The following MYOCD variants were observed in gnomAD, a reference collection of about 807,000 sequenced individuals.
MYOCD encodes myocardin.
In MYOCD, 32 loss-of-function variants were observed where a neutral mutation model predicts 96.1. That is an observed-to-expected ratio of 0.33 (90% CI 0.25 to 0.45). The LOEUF is 0.45. MYOCD is among the 20% of genes least tolerant of loss of function. The pLI, the probability that MYOCD is intolerant of heterozygous loss-of-function variation, is 1.00. For synonymous variants in MYOCD, 469 were observed against 469.0 expected (o/e 1.00, Z 0.00); for missense variants, 1,133 against 1,200.6 (o/e 0.94, Z 0.83).
In MYOCD at chr17:12,739,030, C is replaced by A. The variant is rs574189513; in HGVS notation, c.592-173C>A. Among the ~76,000 whole-genome samples, 4 of 152,212 alleles carry A rather than the reference C, an allele frequency of 2.6e-5. No homozygotes were observed. The South Asian group carries it at 8.3e-4, about 32-fold the overall frequency. On this transcript the variant is annotated intron_variant, in intron 6 of 13. Coordinates refer to ENST00000425538, the MANE Select transcript of MYOCD (RefSeq NM_001146312.3). ...ACATGTACATATATATACACACACA[C>A]ATATATACACACATATACGTATGTG...
chr17:12,670,886 C>T (rs1167173124), intron 1 of MYOCD, among the ~76,000 whole-genome samples: 2 of 152,044 alleles, frequency 1.3e-5, no homozygotes, highest in East Asian at 3.9e-4. Context: ...GTTAAAGGAA[C>T]ATTTGGGGTC....
At chr17:12,698,829 G>A (rs2030913177) in intron 1 of MYOCD, among the ~76,000 whole-genome samples, 1 of 128,360 alleles carries the variant, frequency 7.8e-6, no homozygotes, top group African/African-American at 2.9e-5. Flanking sequence ...TGCAAGCTCC[G>A]CCTCCCCGGT....
At chr17:12,747,176 G>A (rs139767152) in intron 9 of MYOCD, among the ~76,000 whole-genome samples, 1 of 152,256 alleles carries the variant, frequency 6.6e-6, no homozygotes, top group East Asian at 1.9e-4. Context: ...TCAAATGATA[G>A]GCAGTTTAAC....
Position 12,674,359 on chromosome 17 carries a change from C to A in MYOCD, c.55+8116C>A, listed in dbSNP as rs558929588. On this transcript the variant is annotated intron_variant, in intron 1 of 13. Coordinates refer to ENST00000425538, the MANE Select transcript of MYOCD (RefSeq NM_001146312.3). ...CAATTACTGCTATCGTCCTTGATTT[C>A]CTAAATAGTGATTTATCAAACTAGT... Among the ~76,000 whole-genome samples, 5 of 152,312 alleles carry A rather than the reference C, an allele frequency of 3.3e-5. No homozygotes were observed. In the East Asian group the frequency reaches 9.6e-4, roughly 29 times the overall value.
At chr17:12,690,426 A>C (rs6502201) in intron 1 of MYOCD, among the ~76,000 whole-genome samples, 44,647 of 151,930 alleles carry the variant, frequency 0.29, 6,945 homozygotes, top group African/African-American at 0.37. Flanking sequence ...CTCATCTTTA[A>C]TGAAGGAAAG....
intron 2 of MYOCD, among the ~76,000 whole-genome samples, chr17:12,710,191 G>C (rs1472507541): frequency 6.6e-6 from 1 of 152,162 alleles, no homozygotes; most frequent in African/African-American, 2.4e-5. Context: ...AAGGAAAGAT[G>C]ACTTTTTCCT....
At chr17:12,737,116 A>G (rs535882181) in intron 6 of MYOCD, among the ~76,000 whole-genome samples, 1 of 152,036 alleles carries the variant, frequency 6.6e-6, no homozygotes, top group African/African-American at 2.4e-5. Context: ...TTAGCCGGGC[A>G]TGGTGGTGCG....
intron 13 of MYOCD, chr17:12,762,240 C>T (rs1416222299): frequency 6.6e-6 from 1 of 152,218 alleles, no homozygotes; most frequent in East Asian, 1.9e-4. Context: ...AAAATACAGG[C>T]TAGACAAGGA....
rs2033273130 is a variant in MYOCD, at chr17:12,764,283, T to C, written c.*639T>C. On this transcript the variant is annotated 3_prime_UTR_variant, in exon 14 of 14. Transcript: ENST00000425538. ...CTGAACCTGTACCCAGGACTCGATGTGGTCACTAATAACAATTAACCTGAA... is the reference window on the plus strand; with the variant it reads ...CTGAACCTGTACCCAGGACTCGATGCGGTCACTAATAACAATTAACCTGAA... 6.6e-6 allele frequency: 1 copy of C among 152,272 alleles called. No individual in the cohort carries two copies. Among genetic ancestry groups the C allele is most frequent in the Non-Finnish European group, 1.5e-5 (1 of 68,072 alleles). 9.4% of individuals were successfully genotyped at this position (152,272 alleles called of 1,614,324 possible).
intron 8 of MYOCD, 100 bp downstream of exon 8, chr17:12,744,536 A>G: frequency 4.9e-6 from 7 of 1,420,514 alleles, no homozygotes; most frequent in Non-Finnish European, 6.6e-6. Flanking sequence ...CAAGTCCTGT[A>G]TTGCACCATT....
intron 7 of MYOCD, 141 bp from the exon 8 acceptor site, chr17:12,744,042 T>A: frequency 1.0e-6 from 1 of 990,078 alleles, no homozygotes; most frequent in Non-Finnish European, 1.5e-6. Flanking sequence ...AGGAGCTCTT[T>A]GTACATCATG....
intron 1 of MYOCD, among the ~76,000 whole-genome samples, chr17:12,684,233 T>C (rs1411623040): frequency 6.6e-6 from 1 of 152,176 alleles, no homozygotes. Flanking sequence ...CCATGGATCA[T>C]GATGAGAGTC....
chr17:12,722,632 C>G (rs1360028459), intron 4 of MYOCD, among the ~76,000 whole-genome samples: 1 of 152,200 alleles, frequency 6.6e-6, no homozygotes. Context: ...GCAAGCTTCT[C>G]TAACTTTTCC....
chr17:12,710,560 TA>T (rs1439326739), intron 2 of MYOCD: 2 of 965,306 alleles, frequency 2.1e-6, no homozygotes, highest in Non-Finnish European at 2.5e-6. Context: ...AATTTTGTGG[TA>T]CTTCTGAATA....
chr17:12,758,300 T>C, intron 12 of MYOCD, 87 bp downstream of exon 12: 1 of 1,581,834 alleles, frequency 6.3e-7, no homozygotes, highest in South Asian at 1.1e-5. Flanking sequence ...ACGCAGTTTG[T>C]AAATTCTGAT....
intron 5 of MYOCD, among the ~76,000 whole-genome samples, chr17:12,727,918 T>TA (rs1474616204): frequency 6.6e-6 from 1 of 152,122 alleles, no homozygotes; most frequent in Non-Finnish European, 1.5e-5. Flanking sequence ...CATAGAGTCT[T>TA]ACAGTTTCCA....
Position 12,666,186 on chromosome 17 carries a change from A to G in MYOCD, c.-3A>G. 6.2e-7 allele frequency: 1 copy of G among 1,613,414 alleles called. No homozygotes were observed. The highest frequency in any genetic ancestry group is 8.5e-7 in the Non-Finnish European group (1 of 1,179,468). On this transcript the variant is annotated 5_prime_UTR_variant, in exon 1 of 14. Coordinates refer to ENST00000425538, the MANE Select transcript of MYOCD (RefSeq NM_001146312.3). The stretch of plus-strand genomic sequence containing the variant: ...AGGGACCAGCGGCTTGCTGAGACTC[A>G]ACATGACACTCCTGGGGTCTGAGCA...
chr17:12,687,891 T>G (rs1039275251), intron 1 of MYOCD, among the ~76,000 whole-genome samples: 2 of 152,206 alleles, frequency 1.3e-5, no homozygotes, highest in Admixed American at 1.3e-4. Flanking sequence ...AAGCAGTGTA[T>G]CCATGGCAAC....
At chr17:12,739,958 CAG>C (rs2032457908) in intron 7 of MYOCD, among the ~76,000 whole-genome samples, 1 of 151,686 alleles carries the variant, frequency 6.6e-6, no homozygotes, top group Non-Finnish European at 1.5e-5. Context: ...TTTTTTGAGA[CAG>C]AGTCTCTCTC....
Sources: gnomAD v4.1 joint callset for allele counts (sites outside exome capture counted in the v4.1 genomes callset) on GRCh38, gnomAD v4.1.1 for gene constraint, MANE v1.5 for transcripts, NCBI Gene and HGNC (gene_info 2026-07-23, HGNC 2026-07-21) for gene names.